MYOF: variants seen among roughly 807,000 people sequenced by gnomAD.
The protein encoded by MYOF is myoferlin, also known as fer-1-like 3, myoferlin.
MYOF carries 244 observed loss-of-function variants against 284.2 expected under a neutral mutation model. The ratio of observed to expected loss-of-function variants is 0.86; its 90% CI spans 0.77 to 0.95. The LOEUF is 0.95. Among genes scored for constraint, MYOF ranks in the 40% least tolerant of loss-of-function variants. The probability of loss-of-function intolerance (pLI) is 0.00; values close to 1 mark genes in which losing one functional copy is unlikely to be tolerated. For missense variants in MYOF, 2,496 were observed against 2,560.6 expected (o/e 0.97, Z 0.54); for synonymous variants, 904 against 919.7 (o/e 0.98, Z 0.31).
In MYOF at chr10:93,369,786, G is replaced by A. The variant is rs1845503622; in HGVS notation, c.2458-10C>T. 1.9e-6 allele frequency: 3 copies of A among 1,613,972 alleles called. No homozygotes were observed. In the South Asian group the frequency reaches 3.3e-5, roughly 18 times the overall value. On this transcript the variant is annotated splice_polypyrimidine_tract_variant and intron_variant, in intron 24 of 53. Transcript: ENST00000359263. ...TTTTCTCCTGTGGATACTGTGAGATGAACAATAGCATGTGATGTTACATTA... is the reference window on the plus strand; with the variant it reads ...TTTTCTCCTGTGGATACTGTGAGATAAACAATAGCATGTGATGTTACATTA...
intron 1 of MYOF, among the ~76,000 whole-genome samples, chr10:93,469,044 G>A (rs1329046665): frequency 1.3e-5 from 2 of 152,164 alleles, no homozygotes; most frequent in Non-Finnish European, 2.9e-5. Context: ...ATCTTCATCT[G>A]CACAATCGGT....
chr10:93,451,340 A>G (rs2056584645), intron 3 of MYOF, among the ~76,000 whole-genome samples: 1 of 152,156 alleles, frequency 6.6e-6, no homozygotes, highest in Admixed American at 6.5e-5. Flanking sequence ...AAAAAAGAAA[A>G]AAACCTTTAG....
intron 3 of MYOF, among the ~76,000 whole-genome samples, chr10:93,439,639 A>C (rs1424578697): frequency 3.3e-5 from 5 of 152,244 alleles, no homozygotes; most frequent in Non-Finnish European, 7.3e-5. Flanking sequence ...CAGTTTCCTC[A>C]TCTATAAAAT....
intron 7 of MYOF, among the ~76,000 whole-genome samples, chr10:93,406,470 C>T (rs1019839239): frequency 1.3e-5 from 2 of 150,774 alleles, no homozygotes; most frequent in Non-Finnish European, 3.0e-5. Context: ...TGCTGGGCTC[C>T]TGGGAATGCA....
chr10:93,366,371 C>G, intron 26 of MYOF, 21 bp downstream of exon 26: 1 of 1,605,466 alleles, frequency 6.2e-7, no homozygotes, highest in South Asian at 1.1e-5. Flanking sequence ...ATCCTTTTTA[C>G]TCAGAAAATG....
At chr10:93,401,342 A>G in intron 12 of MYOF, 76 bp downstream of exon 12, 1 of 1,569,956 alleles carries the variant, frequency 6.4e-7, no homozygotes, top group Non-Finnish European at 8.7e-7. Context: ...ACGAATCACT[A>G]TTAAAGTTTG....
Position 93,409,532 on chromosome 10 carries a change from T to G in MYOF, c.600+41A>C, listed in dbSNP as rs138657834. Reference sequence around the variant, plus strand: ...TGCAATTGCCAGAAGATGGGCAATATAAAGATTAAACAAAGAAGCAGAACG... The same window carrying G: ...TGCAATTGCCAGAAGATGGGCAATAGAAAGATTAAACAAAGAAGCAGAACG... On this transcript the variant is annotated intron_variant, in intron 6 of 53. Coordinates refer to ENST00000359263, the MANE Select transcript of MYOF (RefSeq NM_013451.4). 4.7e-5 allele frequency: 75 copies of G among 1,598,618 alleles called. No individual in the cohort carries two copies. The East Asian group carries it at 1.7e-3, about 36-fold the overall frequency.
chr10:93,399,429 A>C lies in MYOF; in HGVS notation c.1184T>G (p.Val395Gly), dbSNP rs751103021. 1 of 1,613,892 alleles carries C rather than the reference A, an allele frequency of 6.2e-7. No homozygotes were observed. Among genetic ancestry groups the C allele is most frequent in the Admixed American group, 1.7e-5 (1 of 60,016 alleles). ...FGGNADKKNL[V>G]DPFVEVSFAG... The stretch of plus-strand genomic sequence containing the variant: ...AAAGGAAACTTCTACAAAAGGATCC[A>C]CGAGATTTTTCTTATCTGCATTGCC... The change falls in exon 13 of 54, where the codon GTG becomes GGG. Residue 395 changes from valine to glycine, a missense_variant. By Grantham distance (109) the Val-to-Gly change is moderately radical. Transcript: ENST00000359263.
chr10:93,418,994 C>G (rs1190300250), intron 5 of MYOF, among the ~76,000 whole-genome samples: 1 of 152,162 alleles, frequency 6.6e-6, no homozygotes, highest in Non-Finnish European at 1.5e-5. Flanking sequence ...AAGTCAGTCC[C>G]TTGTCATGGA....
At chr10:93,354,355 G>A (rs777681700) in intron 31 of MYOF, among the ~76,000 whole-genome samples, 2 of 152,158 alleles carry the variant, frequency 1.3e-5, no homozygotes, top group Non-Finnish European at 2.9e-5. Context: ...TCCAGCCTGG[G>A]TGACAGAGTG....
intron 37 of MYOF, among the ~76,000 whole-genome samples, chr10:93,347,393 A>AT (rs1445034587): frequency 6.6e-6 from 1 of 150,472 alleles, no homozygotes; most frequent in East Asian, 2.0e-4. Flanking sequence ...TCTACTAAAA[A>AT]TACAAAAAAT....
chr10:93,339,289 G>A (rs1433672010), intron 39 of MYOF, among the ~76,000 whole-genome samples: 1 of 151,904 alleles, frequency 6.6e-6, no homozygotes, highest in African/African-American at 2.4e-5. Flanking sequence ...GGGATTACAG[G>A]CGTGAGCCAC....
chr10:93,335,883 G>T (rs777720587), intron 41 of MYOF, 38 bp downstream of exon 41: 6 of 1,603,996 alleles, frequency 3.7e-6, no homozygotes, highest in Non-Finnish European at 5.1e-6. Flanking sequence ...AGAAAATGAA[G>T]GTGGATTTTA....
intron 23 of MYOF, among the ~76,000 whole-genome samples, chr10:93,374,022 C>T (rs71480865): frequency 0.014 from 2,154 of 152,274 alleles, 31 homozygotes; most frequent in Non-Finnish European, 0.024. Context: ...CCCCCTATCC[C>T]GCTGACAGGC....
chr10:93,402,288 A>G lies in MYOF; in HGVS notation c.934T>C (p.Ser312Pro). The stretch of plus-strand genomic sequence containing the variant: ...ATGCTGACTTTCATATAACCTTTAG[A>G]ACCTGAACTGGTATCTTCCGGGTCA... The part of the protein sequence containing the change: ...LNDPEDTSSG[S>P]KGYMKVSMFV... Residue 312 changes from serine to proline, a missense_variant, in exon 11 of 54, where the codon TCT becomes CCT. This residue lies in a region of MYOF where 2,436 missense variants were observed against 2,480.7 expected (regional missense o/e 0.98). Coordinates refer to ENST00000359263, the MANE Select transcript of MYOF (RefSeq NM_013451.4). The G allele has an allele frequency of 1.2e-6, 2 of 1,614,148 alleles. No homozygotes were observed. The highest frequency in any genetic ancestry group is 1.7e-6 in the Non-Finnish European group (2 of 1,180,006).
intron 46 of MYOF, among the ~76,000 whole-genome samples, chr10:93,324,863 TC>T (rs1169514647): frequency 6.6e-6 from 1 of 152,070 alleles, no homozygotes; most frequent in South Asian, 2.1e-4. Context: ...CACTGCAACC[TC>T]CACCTCCCTG....
chr10:93,360,325 A>G (rs1262764462), intron 28 of MYOF, among the ~76,000 whole-genome samples: 1 of 152,246 alleles, frequency 6.6e-6, no homozygotes, highest in Non-Finnish European at 1.5e-5. Context: ...CTGGGTTCAA[A>G]TCCTAGCATC....
intron 6 of MYOF, among the ~76,000 whole-genome samples, chr10:93,409,282 G>A (rs1393070387): frequency 6.6e-6 from 1 of 152,114 alleles, no homozygotes; most frequent in Non-Finnish European, 1.5e-5. Context: ...CCAGAGCTGC[G>A]AAAAACACAG....
chr10:93,323,015 A>AACTC (rs1690134135), intron 48 of MYOF, 63 bp downstream of exon 48: 1 of 1,476,960 alleles, frequency 6.8e-7, no homozygotes, highest in Admixed American at 1.7e-5. Context: ...CAGTAATGAA[A>AACTC]ACTCACGAAG....
Sources: allele counts gnomAD v4.1 joint callset (sites outside exome capture counted in the v4.1 genomes callset), GRCh38; gene constraint gnomAD v4.1.1; regional missense constraint gnomAD v4.1.1; transcripts MANE v1.5; gene names NCBI Gene and HGNC (gene_info 2026-07-23, HGNC 2026-07-21).